ZNF18: variants seen among roughly 807,000 people sequenced by gnomAD.
ZNF18 encodes zinc finger protein 18.
In ZNF18, 42 loss-of-function variants were observed where a neutral mutation model predicts 58.1. The observed-to-expected ratio is 0.72, with a 90% CI of 0.56 to 0.93. The LOEUF (loss-of-function observed/expected upper bound fraction) is 0.93, where lower values mean the gene tolerates loss of function less well. Among genes scored for constraint, ZNF18 ranks in the 40% least tolerant of loss-of-function variants. ZNF18 has a pLI of 0.00. For missense variants in ZNF18, 540 were observed against 644.2 expected (o/e 0.84, Z 1.75); for synonymous variants, 231 against 239.8 (o/e 0.96, Z 0.34).
chr17:12,002,812 G>C, the ZNF18 span, among the ~76,000 whole-genome samples: 1 of 152,180 alleles, frequency 6.6e-6, no homozygotes, highest in Non-Finnish European at 1.5e-5. Context: ...AAATTCCCTG[G>C]AACTGAGGAG....
chr17:12,010,022 T>C, the ZNF18 span, among the ~76,000 whole-genome samples: 6 of 152,116 alleles, frequency 3.9e-5, no homozygotes, highest in African/African-American at 1.4e-4. Context: ...GTGGCTTGGA[T>C]ATAACAGACC....
At chr17:12,019,411 A>C in the ZNF18 span, among the ~76,000 whole-genome samples, 2 of 151,558 alleles carry the variant, frequency 1.3e-5, no homozygotes, top group Admixed American at 1.3e-4. Flanking sequence ...ATATATATTA[A>C]ATTCTTATTA....
At chr17:12,001,781 C>T (rs184882283), upstream of ZNF18, among the ~76,000 whole-genome samples, 3 of 152,042 alleles carry the variant, frequency 2.0e-5, no homozygotes, top group South Asian at 2.1e-4. Flanking sequence ...TATGTCAAAA[C>T]GTCACATTAT....
the ZNF18 span, among the ~76,000 whole-genome samples, chr17:12,009,830 G>C: frequency 1.3e-5 from 2 of 152,098 alleles, no homozygotes; most frequent in Non-Finnish European, 2.9e-5. Context: ...CCCTAACTTT[G>C]CTTCTTGAAA....
chr17:11,993,530 G>A (rs1344016177), intron 1 of ZNF18: 1 of 152,156 alleles, frequency 6.6e-6, no homozygotes, highest in Admixed American at 6.6e-5. Context: ...GGGTTAAAGA[G>A]GGTGAGAAGG....
chr17:12,017,136 G>A, the ZNF18 span, among the ~76,000 whole-genome samples: 1 of 151,912 alleles, frequency 6.6e-6, no homozygotes, highest in Non-Finnish European at 1.5e-5. Context: ...GGTAGGGGTT[G>A]TAGTGAGCTG....
chr17:11,998,497 TATC>T (rs901561006), upstream of ZNF18: 4 of 151,870 alleles, frequency 2.6e-5, no homozygotes, highest in African/African-American at 4.8e-5. Context: ...TACCTGTCAT[TATC>T]ATAACATGTC....
chr17:12,005,712 A>G, the ZNF18 span, among the ~76,000 whole-genome samples: 2 of 152,198 alleles, frequency 1.3e-5, no homozygotes, highest in East Asian at 1.9e-4. Flanking sequence ...GAGGTGTATT[A>G]TATTTCTGGT....
intron 6 of ZNF18, among the ~76,000 whole-genome samples, chr17:11,981,532 T>G (rs1967356223): frequency 2.9e-4 from 1 of 3,450 alleles, no homozygotes; most frequent in African/African-American, 5.4e-4. Context: ...TATAATAGCT[T>G]TTTTTTTTTT....
At chr17:12,001,433 T>C (rs1304352701), upstream of ZNF18, among the ~76,000 whole-genome samples, 1 of 152,008 alleles carries the variant, frequency 6.6e-6, no homozygotes, top group African/African-American at 2.4e-5. Context: ...ATCAAGACCA[T>C]CCTGGCTAAC....
intron 1 of ZNF18, among the ~76,000 whole-genome samples, chr17:11,996,318 A>G (rs1597985954): frequency 6.6e-6 from 1 of 152,326 alleles, no homozygotes; most frequent in Non-Finnish European, 1.5e-5. Context: ...AAGAGTTTCA[A>G]ATAACAAGCG....
Position 11,978,548 on chromosome 17 carries a change from C to T in ZNF18, c.1059G>A (p.Glu353=), listed in dbSNP as rs775591328. The T allele has an allele frequency of 1.6e-5, 26 of 1,613,298 alleles. No individual in the cohort carries two copies. The highest frequency in any genetic ancestry group is 3.3e-5 in the Admixed American group (2 of 59,830). The change falls in exon 7 of 7, where the codon GAG becomes GAA. Residue 353 remains glutamate, a synonymous_variant. Transcript: ENST00000580306. ...GAGGAGACAGCTGTTCCCCTGTTCC[C>T]TCATCCTGAATGTTTTGCAGAGCCT... ...LPEALQNIQD[E]GTGEQLSPQE... is the part of the protein sequence containing the mutation.
At chr17:12,021,089 C>G in the ZNF18 span, 2 of 797,426 alleles carry the variant, frequency 2.5e-6, no homozygotes, top group Non-Finnish European at 3.3e-6. Context: ...CCCCCGGACC[C>G]GGCTGAGGAA....
upstream of ZNF18, among the ~76,000 whole-genome samples, chr17:12,000,173 A>G (rs9892598): frequency 4.2e-3 from 636 of 152,222 alleles, 5 homozygotes; most frequent in African/African-American, 0.011. Flanking sequence ...CACCCACCTC[A>G]GTCTCCCAAA....
intron 1 of ZNF18, among the ~76,000 whole-genome samples, chr17:11,993,167 A>G (rs1207562459): frequency 6.6e-6 from 1 of 152,188 alleles, no homozygotes; most frequent in Non-Finnish European, 1.5e-5. Flanking sequence ...GTCCAGACAA[A>G]ATGAAGAATA....
At chr17:12,020,926 G>GGCGGCA in the ZNF18 span, 99 of 1,217,866 alleles carry the variant, frequency 8.1e-5, no homozygotes, top group Non-Finnish European at 9.4e-5. Context: ...CGGCTCCGGG[G>GGCGGCA]GCGGCAGCGG....
chr17:11,981,065 T>C lies in ZNF18; in HGVS notation c.862+2232A>G, dbSNP rs183363297. ...TTCCATATGGTCAACTATAACAGCA[T>C]ATTCACTCTCTATATTGACTTTTGC... On this transcript the variant is annotated intron_variant, in intron 6 of 6. Coordinates refer to ENST00000580306, the MANE Select transcript of ZNF18 (RefSeq NM_001303281.2). 2.0e-5 allele frequency among the ~76,000 whole-genome samples: 3 copies of C among 152,218 alleles called. No individual in the cohort carries two copies. In the East Asian group the frequency reaches 5.8e-4, roughly 29 times the overall value.
intron 1 of ZNF18, chr17:11,993,798 T>C (rs1597979919): frequency 9.1e-6 from 1 of 109,852 alleles, no homozygotes; most frequent in Non-Finnish European, 1.7e-5. Context: ...CACTCCAGCC[T>C]GGGGGACAGA....
At position 11,994,691 on chromosome 17, in the gene ZNF18, A is replaced by C. The variant is rs553519562; in HGVS notation, c.-82-1780T>G. Among the ~76,000 whole-genome samples, 442 of 152,208 alleles carry C rather than the reference A, an allele frequency of 2.9e-3. 3 individuals carry two copies. Among genetic ancestry groups the C allele is most frequent in the African/African-American group, 9.9e-3 (413 of 41,542 alleles). ...CCCTTCTCTACTAAAAATACAAAAA[A>C]TTAGCCAGGCGTGGTGGCGGGCGCC... On this transcript the variant is annotated intron_variant, in intron 1 of 6. Coordinates refer to ENST00000580306, the MANE Select transcript of ZNF18 (RefSeq NM_001303281.2).
Sources: gnomAD v4.1 joint callset for allele counts (sites outside exome capture counted in the v4.1 genomes callset) on GRCh38, gnomAD v4.1.1 for gene constraint, MANE v1.5 for transcripts, NCBI Gene and HGNC (gene_info 2026-07-23, HGNC 2026-07-21) for gene names.